Variants in FANCA observed in about 807,000 individuals in gnomAD.
FANCA encodes the protein Fanconi anemia group A protein.
A neutral mutation model predicts 194.3 loss-of-function variants in FANCA; 236 were observed. The observed-to-expected ratio is 1.21, with a 90% CI of 1.09 to 1.35. FANCA has a LOEUF of 1.35. Among genes scored for constraint, FANCA ranks in the 40% most tolerant of loss-of-function variants. The pLI is 0.00. For missense variants in FANCA, 2,628 were observed against 1,813.9 expected, an observed-to-expected ratio of 1.45 and a Z score of -8.15; for synonymous variants, 1,014 against 715.8, an observed-to-expected ratio of 1.42 and a Z score of -6.65.
At chr16:89,795,022 C>T (rs17226103) in intron 11 of FANCA, among the ~76,000 whole-genome samples, 2,998 of 152,272 alleles carry the variant, frequency 0.02, 116 homozygotes, top group African/African-American at 0.069. Context: ...CAGCGGCACA[C>T]GCCTGTAATC....
At position 89,738,366 on chromosome 16, in the gene FANCA, A is replaced by G; in HGVS notation, c.*235T>C. On this transcript the variant is annotated 3_prime_UTR_variant, in exon 43 of 43. Coordinates refer to ENST00000389301, the MANE Select transcript of FANCA (RefSeq NM_000135.4). Reference sequence around the variant, plus strand: ...GGGTGCTGCCCGCCCTTGGTGCTGGAGGCGGGCTTGGTGTCCGGCTCAAGT... The same window carrying G: ...GGGTGCTGCCCGCCCTTGGTGCTGGGGGCGGGCTTGGTGTCCGGCTCAAGT... 1 of 1,454,316 alleles carries G rather than the reference A, an allele frequency of 6.9e-7. No homozygotes were observed. Among genetic ancestry groups the G allele is most frequent in the Non-Finnish European group, 9.2e-7 (1 of 1,092,092 alleles). The allele number at this position is 1,454,316 out of a possible 1,614,324, so 90.1% of individuals were successfully genotyped here.
In FANCA at chr16:89,783,145, T is replaced by C. The variant is rs1440998881; in HGVS notation, c.1471-43A>G. Reference sequence around the variant, plus strand: ...AGCGCAGCACCGTTAGTCTGGGAACTGCCTGGGACTCCAGGGAGGCCACAA... The same window carrying C: ...AGCGCAGCACCGTTAGTCTGGGAACCGCCTGGGACTCCAGGGAGGCCACAA... On this transcript the variant is annotated intron_variant, in intron 15 of 42. Coordinates refer to ENST00000389301, the MANE Select transcript of FANCA (RefSeq NM_000135.4). 6 of 1,461,772 alleles carry C rather than the reference T, an allele frequency of 4.1e-6. No homozygotes were observed. The Admixed American group carries it at 1.0e-4, about 25-fold the overall frequency. The allele number at this position is 1,461,772 out of a possible 1,614,324, so 90.6% of individuals were successfully genotyped here. A position where few individuals can be genotyped will look rare whatever the true frequency, so the allele number is the denominator to read the frequency against.
rs922099383 is a variant in FANCA at position 89,805,365 on chromosome 16, C to T, written c.624G>A (p.Ser208=). The T allele has an allele frequency of 5.0e-6, 8 of 1,613,938 alleles. No individual in the cohort carries two copies. In the Admixed American group the frequency reaches 6.7e-5, roughly 13 times the overall value. ...GGCAGCACAGATTCCTGAAGAGCCACGATCCCACAGCATGCATGTCGGGAT... is the reference window on the plus strand; with the variant it reads ...GGCAGCACAGATTCCTGAAGAGCCATGATCCCACAGCATGCATGTCGGGAT... ...ESHPDMHAVG[S]WLFRNLCCLC... The change falls in exon 7 of 43, where the codon TCG becomes TCA. Residue 208 remains serine (S), a synonymous_variant. Coordinates refer to ENST00000389301, the MANE Select transcript of FANCA (RefSeq NM_000135.4).
chr16:89,738,878 T>G lies in FANCA; in HGVS notation c.4260+4A>C, dbSNP rs1357129074. 6.2e-7 allele frequency: 1 copy of G among 1,614,270 alleles called. No homozygotes were observed. Among genetic ancestry groups the G allele is most frequent in the East Asian group, 2.2e-5 (1 of 44,890 alleles). On this transcript the variant is annotated splice_donor_region_variant and intron_variant, in intron 42 of 42. Coordinates refer to ENST00000389301, the MANE Select transcript of FANCA (RefSeq NM_000135.4). The stretch of plus-strand genomic sequence containing the variant: ...ATGGCCCAAGGTGGGCATCTTGACG[T>G]TACCTCTGCCACGTGTGAGAAGCTC...
intron 29 of FANCA, among the ~76,000 whole-genome samples, chr16:89,759,318 T>TAAAAAAAAAAAAAAAAAAAAAAAAA (rs71137673): frequency 1.6e-4 from 12 of 75,200 alleles, no homozygotes; most frequent in Non-Finnish European, 2.3e-4. Context: ...AGACTCCGTC[T>TAAAAAAAAAAAAAAAAAAAAAAAAA]AAAAAAAAAA....
chr16:89,792,914 G>A (rs1041308535), intron 11 of FANCA, among the ~76,000 whole-genome samples: 1 of 152,170 alleles, frequency 6.6e-6, no homozygotes, highest in African/African-American at 2.4e-5. Flanking sequence ...AGGAGATAGA[G>A]ACAAAGACAG....
At chr16:89,798,630 C>G in intron 10 of FANCA, 2 of 1,182,984 alleles carry the variant, frequency 1.7e-6, no homozygotes, top group Non-Finnish European at 2.1e-6. Context: ...CCCCACTCCT[C>G]AGCTTCCGCC....
chr16:89,782,964 T>C (rs758577499), intron 16 of FANCA, 43 bp downstream of exon 16: 2 of 1,612,866 alleles, frequency 1.2e-6, no homozygotes, highest in Non-Finnish European at 1.7e-6. Context: ...AAGCAGTTTC[T>C]GCTGGGACAG....
At chr16:89,773,727 G>T (rs998053003) in intron 21 of FANCA, among the ~76,000 whole-genome samples, 1 of 151,752 alleles carries the variant, frequency 6.6e-6, no homozygotes, top group African/African-American at 2.4e-5. Flanking sequence ...CGAGGGTGGG[G>T]ACAGGATCAC....
chr16:89,792,914 G>C (rs1041308535), intron 11 of FANCA, among the ~76,000 whole-genome samples: 1 of 152,288 alleles, frequency 6.6e-6, no homozygotes. Flanking sequence ...AGGAGATAGA[G>C]ACAAAGACAG....
At chr16:89,762,070 A>C in intron 28 of FANCA, 48 bp from the exon 29 acceptor site, 1 of 1,414,088 alleles carries the variant, frequency 7.1e-7, no homozygotes, top group Non-Finnish European at 1.0e-6. Flanking sequence ...AGAACACACA[A>C]TCCACCGACA....
intron 26 of FANCA, among the ~76,000 whole-genome samples, chr16:89,769,005 G>C (rs2039227379): frequency 6.6e-6 from 1 of 152,172 alleles, no homozygotes. Context: ...AGTACCGAGT[G>C]CCTGCTCCCC....
chr16:89,780,239 G>T (rs977074636), intron 17 of FANCA, among the ~76,000 whole-genome samples: 1 of 152,148 alleles, frequency 6.6e-6, no homozygotes, highest in Admixed American at 6.6e-5. Flanking sequence ...CTGAGAGCCT[G>T]CCGTGAGCCT....
chr16:89,767,232 C>T lies in FANCA; in HGVS notation c.2510G>A (p.Cys837Tyr). 2 of 1,609,238 alleles carry T rather than the reference C, an allele frequency of 1.2e-6. No individual in the cohort carries two copies. Among genetic ancestry groups the T allele is most frequent in the Non-Finnish European group, 1.7e-6 (2 of 1,175,784 alleles). The change falls in exon 27 of 43, where the codon TGT (cysteine) becomes TAT (tyrosine). Residue 837 changes from cysteine (C) to tyrosine (Y), a missense_variant. Transcript: ENST00000389301. ...RDSLFFCLKFCTAAISYSLCK... is the reference protein window; with the variant it reads ...RDSLFFCLKFYTAAISYSLCK... ...GAGAGAGTAAGAAATTGCTGCTGTA[C>T]AAAATCTGAAAACAGAAATTATAAC... is the stretch of plus-strand genomic sequence containing the variant.
chr16:89,765,726 G>A (rs1343504578), intron 27 of FANCA, among the ~76,000 whole-genome samples: 2 of 152,258 alleles, frequency 1.3e-5, no homozygotes, highest in Non-Finnish European at 2.9e-5. Context: ...TTTATAACCA[G>A]CCTGCTCCAA....
chr16:89,804,096 T>A (rs947135493), intron 7 of FANCA, among the ~76,000 whole-genome samples: 1 of 152,078 alleles, frequency 6.6e-6, no homozygotes, highest in Non-Finnish European at 1.5e-5. Flanking sequence ...AGGACTGAAA[T>A]CCACAAGATT....
intron 3 of FANCA, among the ~76,000 whole-genome samples, chr16:89,813,903 T>G (rs2041002423): frequency 6.6e-6 from 1 of 152,026 alleles, no homozygotes; most frequent in Non-Finnish European, 1.5e-5. Flanking sequence ...AATTAATGAA[T>G]TAAAGGTTTA....
intron 20 of FANCA, among the ~76,000 whole-genome samples, chr16:89,776,999 G>A (rs1226031404): frequency 6.6e-6 from 1 of 151,768 alleles, no homozygotes; most frequent in African/African-American, 2.4e-5. Context: ...ATTATTTGAG[G>A]CCAAGAGAGA....
chr16:89,765,682 A>T (rs1470755476), intron 27 of FANCA, among the ~76,000 whole-genome samples: 3 of 152,248 alleles, frequency 2.0e-5, no homozygotes, highest in Non-Finnish European at 4.4e-5. Context: ...GACCGTGTCC[A>T]TCTCTGCCCC....
Sources: allele counts gnomAD v4.1 joint callset (sites outside exome capture counted in the v4.1 genomes callset), GRCh38; gene constraint gnomAD v4.1.1; transcripts MANE v1.5; gene names NCBI Gene and HGNC (gene_info 2026-07-23, HGNC 2026-07-21).